ELP4: variants seen among roughly 807,000 people sequenced by gnomAD.
ELP4 encodes the protein elongator acetyltransferase complex subunit 4.
In ELP4, 51 loss-of-function variants were observed where a neutral mutation model predicts 48.9. The ratio of observed to expected loss-of-function variants is 1.04; its 90% CI spans 0.83 to 1.32. ELP4 has a LOEUF of 1.32. Ranked by LOEUF, ELP4 falls within the 40% of genes most tolerant of loss-of-function variation. ELP4 has a pLI of 0.00. For synonymous variants in ELP4, 210 were observed against 189.2 expected (o/e 1.11, Z -0.90); for missense variants, 519 against 514.6 (o/e 1.01, Z -0.08).
chr11:31,552,291 G>T (rs2093613), intron 3 of ELP4, among the ~76,000 whole-genome samples: 1 of 151,884 alleles, frequency 6.6e-6, no homozygotes, highest in Non-Finnish European at 1.5e-5. Flanking sequence ...CGCTGATCAC[G>T]TCTGCCCCAA....
chr11:31,774,274 C>A (rs1213375520), intron 9 of ELP4, among the ~76,000 whole-genome samples: 1 of 152,186 alleles, frequency 6.6e-6, no homozygotes, highest in Admixed American at 6.5e-5. Context: ...AAATAATAGA[C>A]TTGAGTGGGA....
chr11:31,601,228 A>G (rs1379025003), intron 4 of ELP4, among the ~76,000 whole-genome samples: 1 of 152,052 alleles, frequency 6.6e-6, no homozygotes, highest in African/African-American at 2.4e-5. Flanking sequence ...CTAGGCCTCA[A>G]AAGATTTCAG....
intron 9 of ELP4, among the ~76,000 whole-genome samples, chr11:31,689,982 G>C (rs1420850195): frequency 6.6e-6 from 1 of 152,112 alleles, no homozygotes; most frequent in African/African-American, 2.4e-5. Context: ...AATGTTGGTG[G>C]TCTGTGAAAT....
At chr11:31,565,195 A>G (rs1179228969) in intron 3 of ELP4, among the ~76,000 whole-genome samples, 2 of 152,110 alleles carry the variant, frequency 1.3e-5, no homozygotes, top group Non-Finnish European at 2.9e-5. Context: ...GTGTCTGTTC[A>G]TATCCTTTGC....
chr11:31,620,989 A>G (rs1326240150), intron 5 of ELP4, among the ~76,000 whole-genome samples: 2 of 151,952 alleles, frequency 1.3e-5, no homozygotes, highest in African/African-American at 4.8e-5. Flanking sequence ...TCAGTAAATG[A>G]CAGCCTTCAG....
At chr11:31,605,807 C>T (rs1405639175) in intron 5 of ELP4, among the ~76,000 whole-genome samples, 2 of 152,118 alleles carry the variant, frequency 1.3e-5, no homozygotes, top group African/African-American at 4.8e-5. Flanking sequence ...TTGCCAACAA[C>T]CCTCCAAGAG....
In ELP4 at chr11:31,626,297, C is replaced by T. The variant is rs1348673929; in HGVS notation, c.654-813C>T. On this transcript the variant is annotated intron_variant, in intron 5 of 9. Coordinates refer to ENST00000640961, the MANE Select transcript of ELP4 (RefSeq NM_019040.5). ...AATACTTGCATAATTTTAAGGTCAC[C>T]CACAGCTTTTACAGCATTAGGCACT... Among the ~76,000 whole-genome samples the T allele has an allele frequency of 2.0e-5, 3 of 151,846 alleles. No individual in the cohort carries two copies. The East Asian group carries it at 5.8e-4, about 29-fold the overall frequency.
chr11:31,709,327 A>G (rs985274054), intron 9 of ELP4, among the ~76,000 whole-genome samples: 8 of 152,160 alleles, frequency 5.3e-5, no homozygotes, highest in African/African-American at 1.7e-4. Context: ...TGTGTTTCCA[A>G]GATTAGTCTT....
chr11:31,656,511 C>T lies in ELP4; in HGVS notation c.1143+6290C>T, dbSNP rs566390245. ...TTTGAGAAATATAATTAAAATATGACACCTTGACCGTAATTTTTATATAAA... is the reference window on the plus strand; with the variant it reads ...TTTGAGAAATATAATTAAAATATGATACCTTGACCGTAATTTTTATATAAA... On this transcript the variant is annotated intron_variant, in intron 9 of 9. Transcript: ENST00000640961. Among the ~76,000 whole-genome samples the T allele has an allele frequency of 2.0e-5, 3 of 152,052 alleles. No homozygotes were observed. The East Asian group carries it at 5.8e-4, about 29-fold the overall frequency.
At chr11:31,647,640 T>C in intron 7 of ELP4, 101 bp from the exon 8 acceptor site, 1 of 708,422 alleles carries the variant, frequency 1.4e-6, no homozygotes, top group South Asian at 1.8e-5. Context: ...TGATAGTCTA[T>C]CTCCACTACA....
intron 9 of ELP4, among the ~76,000 whole-genome samples, chr11:31,722,597 A>C (rs1448741738): frequency 3.9e-5 from 6 of 152,072 alleles, no homozygotes; most frequent in Admixed American, 3.9e-4. Flanking sequence ...CTGTGGTTCA[A>C]AAAACCAGAA....
chr11:31,548,048 C>T (rs1020632943), intron 3 of ELP4, among the ~76,000 whole-genome samples: 2 of 152,160 alleles, frequency 1.3e-5, no homozygotes, highest in African/African-American at 4.8e-5. Context: ...TGGGCAAAAA[C>T]TGGAAGCATT....
chr11:31,734,993 A>G (rs1947275929), intron 9 of ELP4, among the ~76,000 whole-genome samples: 1 of 152,336 alleles, frequency 6.6e-6, no homozygotes. Flanking sequence ...ACAGTATAAT[A>G]CTGGCATAAA....
intron 9 of ELP4, among the ~76,000 whole-genome samples, chr11:31,717,437 T>TA (rs1429066724): frequency 6.6e-6 from 1 of 152,016 alleles, no homozygotes; most frequent in Non-Finnish European, 1.5e-5. Flanking sequence ...CAATGGTTAA[T>TA]AAAAATGTGC....
At chr11:31,573,835 T>G (rs1957224759) in intron 3 of ELP4, among the ~76,000 whole-genome samples, 1 of 151,746 alleles carries the variant, frequency 6.6e-6, no homozygotes, top group African/African-American at 2.4e-5. Context: ...GGGATAGGAC[T>G]TCAATGTACG....
intron 9 of ELP4, among the ~76,000 whole-genome samples, chr11:31,735,843 AGAACATTCCAT>A (rs1565132620): frequency 6.6e-6 from 1 of 152,220 alleles, no homozygotes; most frequent in African/African-American, 2.4e-5. Flanking sequence ...AACAAATGGA[AGAACATTCCAT>A]GCTCATGAGT....
chr11:31,639,826 A>G (rs1007486459), intron 7 of ELP4, among the ~76,000 whole-genome samples: 5 of 152,016 alleles, frequency 3.3e-5, no homozygotes, highest in Non-Finnish European at 7.4e-5. Context: ...ATTTGGTTTA[A>G]AATATTTTTC....
intron 9 of ELP4, among the ~76,000 whole-genome samples, chr11:31,727,399 G>A (rs1947097816): frequency 6.6e-6 from 1 of 152,090 alleles, no homozygotes; most frequent in African/African-American, 2.4e-5. Flanking sequence ...CAGGTCTCAT[G>A]TTCTTTCTAA....
chr11:31,704,844 C>G (rs1592239310), intron 9 of ELP4, among the ~76,000 whole-genome samples: 1 of 151,634 alleles, frequency 6.6e-6, no homozygotes, highest in Admixed American at 6.6e-5. Context: ...AACCCCGTCT[C>G]TACTAAAAAT....
Sources: gnomAD v4.1 joint callset for allele counts (sites outside exome capture counted in the v4.1 genomes callset) on GRCh38, gnomAD v4.1.1 for gene constraint, MANE v1.5 for transcripts, NCBI Gene and HGNC (gene_info 2026-07-23, HGNC 2026-07-21) for gene names.